The following FBXO36 variants were observed in gnomAD, a reference collection of about 807,000 sequenced individuals.
FBXO36 encodes F-box only protein 36.
FBXO36 carries 18 observed loss-of-function variants against 17.0 expected under a neutral mutation model. The ratio of observed to expected loss-of-function variants is 1.06; its 90% confidence interval spans 0.73 to 1.57. The LOEUF is 1.57. FBXO36 is among the 40% of genes most tolerant of loss of function. The pLI, the probability that FBXO36 is intolerant of heterozygous loss-of-function variation, is 0.00. For missense variants in FBXO36, 229 were observed against 221.9 expected (o/e 1.03, Z -0.20); for synonymous variants, 83 against 85.3 (o/e 0.97, Z 0.15).
At chr2:229,990,263 AAC>A (rs1438548096) in intron 2 of FBXO36, among the ~76,000 whole-genome samples, 1 of 149,262 alleles carries the variant, frequency 6.7e-6, no homozygotes, top group Non-Finnish European at 1.5e-5. Context: ...TAATATATAT[AAC>A]ACACACACTT....
intron 1 of FBXO36, among the ~76,000 whole-genome samples, chr2:229,929,694 T>C (rs975842699): frequency 6.8e-6 from 1 of 146,364 alleles, no homozygotes; most frequent in Non-Finnish European, 1.5e-5. Context: ...AACATTCTAC[T>C]AAAAATACAA....
intron 1 of FBXO36, among the ~76,000 whole-genome samples, chr2:229,939,646 G>A (rs938780073): frequency 6.6e-6 from 1 of 152,054 alleles, no homozygotes; most frequent in South Asian, 2.1e-4. Flanking sequence ...CATTTGGCTG[G>A]AAAAGTCGTT....
chr2:229,962,580 T>A (rs1382351531), intron 1 of FBXO36, among the ~76,000 whole-genome samples: 1 of 150,642 alleles, frequency 6.6e-6, no homozygotes, highest in Non-Finnish European at 1.5e-5. Context: ...GTGTTATCCA[T>A]GCTAGTCTCA....
intron 3 of FBXO36, among the ~76,000 whole-genome samples, chr2:230,004,730 C>G (rs143093780): frequency 6.6e-6 from 1 of 152,006 alleles, no homozygotes; most frequent in Non-Finnish European, 1.5e-5. Context: ...GTACTGGCCA[C>G]GCATGGTGGC....
intron 3 of FBXO36, among the ~76,000 whole-genome samples, chr2:229,999,326 C>T (rs977139153): frequency 2.0e-5 from 3 of 150,396 alleles, no homozygotes; most frequent in South Asian, 2.1e-4. Context: ...GGGGTTTCCC[C>T]GTGTTGGCCA....
At chr2:229,970,045 C>G (rs1449348398) in intron 1 of FBXO36, among the ~76,000 whole-genome samples, 1 of 152,140 alleles carries the variant, frequency 6.6e-6, no homozygotes, top group East Asian at 1.9e-4. Flanking sequence ...CTGGATCATT[C>G]ATATACTGCT....
At chr2:229,954,233 G>GTTTTTTTTTTTTTTTTTTTT (rs1283205428) in intron 1 of FBXO36, among the ~76,000 whole-genome samples, 1 of 33,144 alleles carries the variant, frequency 3.0e-5, no homozygotes, top group Non-Finnish European at 6.9e-5. Context: ...AAACCCTTTG[G>GTTTTTTTTTTTTTTTTTTTT]ATTTTTTTTT....
At chr2:229,932,411 T>G (rs2076943332) in intron 1 of FBXO36, among the ~76,000 whole-genome samples, 1 of 151,994 alleles carries the variant, frequency 6.6e-6, no homozygotes. Flanking sequence ...TCCCAGCTAC[T>G]CAGAGGGCTG....
chr2:229,971,255 T>C lies in FBXO36; in HGVS notation c.97-4986T>C, dbSNP rs1001791285. ...CTGTGATCCCAGCTACTCAGGAGGC[T>C]GAGGCAAGAGAATTGCTTGAACCCA... On this transcript the variant is annotated intron_variant, in intron 1 of 3. Coordinates refer to ENST00000283946, the MANE Select transcript of FBXO36 (RefSeq NM_174899.5). 4.0e-5 allele frequency among the ~76,000 whole-genome samples: 6 copies of C among 151,222 alleles called. No individual in the cohort carries two copies. The East Asian group carries it at 9.7e-4, about 24-fold the overall frequency.
chr2:229,992,343 A>G (rs1034245162), intron 2 of FBXO36, among the ~76,000 whole-genome samples: 2 of 151,976 alleles, frequency 1.3e-5, no homozygotes, highest in Non-Finnish European at 2.9e-5. Flanking sequence ...TTTTCAGTAG[A>G]GATGATGTTT....
intron 1 of FBXO36, among the ~76,000 whole-genome samples, chr2:229,971,985 C>T (rs2077183004): frequency 6.9e-6 from 1 of 144,592 alleles, no homozygotes; most frequent in South Asian, 2.2e-4. Context: ...GCCCAAGTAT[C>T]CAATTCTTTT....
At chr2:229,938,771 TC>T (rs1459288686) in intron 1 of FBXO36, among the ~76,000 whole-genome samples, 2 of 107,082 alleles carry the variant, frequency 1.9e-5, no homozygotes, top group Admixed American at 1.1e-4. Flanking sequence ...TTTTTTTTTT[TC>T]CCCCGAGGCA....
chr2:229,970,510 G>A (rs978382211), intron 1 of FBXO36, among the ~76,000 whole-genome samples: 31 of 152,300 alleles, frequency 2.0e-4, no homozygotes, highest in African/African-American at 7.5e-4. Flanking sequence ...GGCATAGTGT[G>A]AGCCTGACAT....
At chr2:229,953,912 G>A (rs1447052170) in intron 1 of FBXO36, among the ~76,000 whole-genome samples, 1 of 151,970 alleles carries the variant, frequency 6.6e-6, no homozygotes, top group Non-Finnish European at 1.5e-5. Context: ...TGTTGCTTAG[G>A]TTGGAGTGCA....
At chr2:229,963,358 C>T (rs1007201557) in intron 1 of FBXO36, among the ~76,000 whole-genome samples, 1 of 151,884 alleles carries the variant, frequency 6.6e-6, no homozygotes, top group African/African-American at 2.4e-5. Context: ...GCGACCGTGC[C>T]CGGCCCCCCA....
At chr2:229,963,412 A>C (rs966332129) in intron 1 of FBXO36, among the ~76,000 whole-genome samples, 2 of 144,280 alleles carry the variant, frequency 1.4e-5, no homozygotes, top group Non-Finnish European at 3.0e-5. Context: ...CAATGAAGAA[A>C]CTTATACATG....
chr2:229,923,729 G>A (rs1163268499), intron 1 of FBXO36, among the ~76,000 whole-genome samples: 2 of 151,698 alleles, frequency 1.3e-5, no homozygotes, highest in African/African-American at 4.8e-5. Context: ...TAATTCATAG[G>A]CAGTGGGCCC....
intron 1 of FBXO36, among the ~76,000 whole-genome samples, chr2:229,961,081 C>T (rs768142415): frequency 6.6e-6 from 1 of 151,954 alleles, no homozygotes; most frequent in Non-Finnish European, 1.5e-5. Flanking sequence ...TGCCCTCCAG[C>T]CTGGGCCTCA....
chr2:230,002,979 G>A (rs888963934), intron 3 of FBXO36, among the ~76,000 whole-genome samples: 3 of 152,058 alleles, frequency 2.0e-5, no homozygotes, highest in East Asian at 3.9e-4. Context: ...TTGGGAGGCC[G>A]AGGCGGATGG....
Sources: allele counts gnomAD v4.1 joint callset (sites outside exome capture counted in the v4.1 genomes callset), GRCh38; gene constraint gnomAD v4.1.1; transcripts MANE v1.5; gene names NCBI Gene and HGNC (gene_info 2026-07-23, HGNC 2026-07-21).